SPAG16: variants seen among roughly 807,000 people sequenced by gnomAD.
SPAG16 encodes sperm-associated antigen 16 protein.
Under a neutral mutation model 80.4 loss-of-function variants are expected in SPAG16, and 86 were observed. The observed-to-expected ratio is 1.07, with a 90% CI of 0.90 to 1.28. The LOEUF (loss-of-function observed/expected upper bound fraction) is 1.28, where lower values mean the gene tolerates loss of function less well. Ranked by LOEUF, SPAG16 falls within the 50% of genes most tolerant of loss-of-function variation. The pLI, the probability that SPAG16 is intolerant of heterozygous loss-of-function variation, is 0.00. For missense variants in SPAG16, 870 were observed against 765.3 expected (o/e 1.14, Z -1.61); for synonymous variants, 294 against 265.9 (o/e 1.11, Z -1.03).
chr2:213,654,203 A>G (rs2125156591), intron 10 of SPAG16, among the ~76,000 whole-genome samples: 1 of 152,310 alleles, frequency 6.6e-6, no homozygotes, highest in East Asian at 1.9e-4. Context: ...CCTGTATCTT[A>G]AATTATTGAG....
At chr2:213,759,101 T>A (rs922269082) in intron 10 of SPAG16, among the ~76,000 whole-genome samples, 2 of 152,136 alleles carry the variant, frequency 1.3e-5, no homozygotes, top group Non-Finnish European at 2.9e-5. Context: ...AGGGCGAAAT[T>A]AAGACATCCC....
chr2:213,587,684 C>T (rs1475626263), intron 10 of SPAG16, among the ~76,000 whole-genome samples: 1 of 152,114 alleles, frequency 6.6e-6, no homozygotes, highest in Non-Finnish European at 1.5e-5. Context: ...TGAGAATTTT[C>T]CAATTTTTAA....
intron 15 of SPAG16, chr2:214,250,116 G>A (rs1690142144): frequency 6.6e-6 from 1 of 152,060 alleles, no homozygotes; most frequent in African/African-American, 2.4e-5. Flanking sequence ...TTACATATCA[G>A]TTTCACTCAC....
At chr2:213,888,923 T>C (rs933366031) in intron 11 of SPAG16, among the ~76,000 whole-genome samples, 1 of 152,012 alleles carries the variant, frequency 6.6e-6, no homozygotes, top group African/African-American at 2.4e-5. Flanking sequence ...TTCATAGAAC[T>C]GATATACTAC....
chr2:214,170,548 G>A (rs903146090), intron 15 of SPAG16, among the ~76,000 whole-genome samples: 2 of 151,954 alleles, frequency 1.3e-5, no homozygotes, highest in African/African-American at 4.8e-5. Context: ...CATAAAAAGG[G>A]ATATTACTTT....
At chr2:213,589,365 A>G (rs1366617155) in intron 10 of SPAG16, among the ~76,000 whole-genome samples, 1 of 152,252 alleles carries the variant, frequency 6.6e-6, no homozygotes, top group Admixed American at 6.5e-5. Context: ...ATTTGTAGGT[A>G]TTTTATTGAT....
chr2:213,509,667 A>T (rs1159888735), intron 10 of SPAG16, among the ~76,000 whole-genome samples: 1 of 152,204 alleles, frequency 6.6e-6, no homozygotes, highest in African/African-American at 2.4e-5. Flanking sequence ...CATTCAAAGC[A>T]GTGTGTAGAG....
At chr2:214,307,236 C>T (rs1694979804) in intron 15 of SPAG16, among the ~76,000 whole-genome samples, 2 of 151,954 alleles carry the variant, frequency 1.3e-5, no homozygotes, top group Admixed American at 6.6e-5. Flanking sequence ...TAATATCCCC[C>T]TTTTTTGTTT....
chr2:213,555,088 A>C (rs1395867744), intron 10 of SPAG16, among the ~76,000 whole-genome samples: 1 of 152,162 alleles, frequency 6.6e-6, no homozygotes, highest in Admixed American at 6.5e-5. Context: ...CCCCAAAAGC[A>C]CCAAGAGAAA....
chr2:213,972,267 A>G (rs2045108058), intron 12 of SPAG16, among the ~76,000 whole-genome samples: 1 of 150,384 alleles, frequency 6.6e-6, no homozygotes, highest in African/African-American at 2.4e-5. Flanking sequence ...ATATATATTT[A>G]TTATACAAAT....
intron 10 of SPAG16, among the ~76,000 whole-genome samples, chr2:213,784,643 A>G (rs920345281): frequency 6.7e-6 from 1 of 149,554 alleles, no homozygotes; most frequent in African/African-American, 2.4e-5. Flanking sequence ...AAAAAAAAAA[A>G]AAAAAAAAAA....
intron 9 of SPAG16, among the ~76,000 whole-genome samples, chr2:213,487,978 T>G (rs4633868): frequency 0.023 from 3,559 of 152,144 alleles, 67 homozygotes; most frequent in South Asian, 0.042. Flanking sequence ...TAAAAATGTT[T>G]AACTTAATTA....
At chr2:213,633,063 G>A (rs2125088296) in intron 10 of SPAG16, among the ~76,000 whole-genome samples, 1 of 152,220 alleles carries the variant, frequency 6.6e-6, no homozygotes, top group African/African-American at 2.4e-5. Context: ...TTCTTTGAAT[G>A]TTTGGTAGAA....
At chr2:213,357,022 G>A (rs1298925349) in intron 7 of SPAG16, among the ~76,000 whole-genome samples, 2 of 152,120 alleles carry the variant, frequency 1.3e-5, no homozygotes, top group Non-Finnish European at 2.9e-5. Flanking sequence ...TAGTCATTCA[G>A]GAGCAGGTTC....
At chr2:213,591,678 A>G (rs1221022216) in intron 10 of SPAG16, among the ~76,000 whole-genome samples, 1 of 152,172 alleles carries the variant, frequency 6.6e-6, no homozygotes, top group African/African-American at 2.4e-5. Context: ...CAAATATAAC[A>G]AGGAAAAATG....
At chr2:214,272,800 T>C in intron 15 of SPAG16, among the ~76,000 whole-genome samples, 1 of 152,150 alleles carries the variant, frequency 6.6e-6, no homozygotes, top group African/African-American at 2.4e-5. Flanking sequence ...CCTTTGGGTA[T>C]ATACCCAGTA....
Position 213,767,631 on chromosome 2 carries a change from G to GA in SPAG16, c.1071-94845dup, listed in dbSNP as rs535768059. 1.8e-4 allele frequency among the ~76,000 whole-genome samples: 26 copies of GA among 141,020 alleles called. 1 individual carries two copies. Among genetic ancestry groups the GA allele is most frequent in the South Asian group, 6.9e-4 (3 of 4,344 alleles). 92.5% of individuals were successfully genotyped at this position (141,020 alleles called of 152,430 possible). On this transcript the variant is annotated intron_variant, in intron 10 of 15. Transcript: ENST00000331683. Reference sequence around the variant, plus strand: ...CAATGGAGTGAGATCTTGTCTTTTTGAAAAAAAAAGAGAACAACATACTTC... The same window carrying GA: ...CAATGGAGTGAGATCTTGTCTTTTTGAAAAAAAAAAGAGAACAACATACTTC...
chr2:213,998,439 A>G (rs888385762), intron 12 of SPAG16, among the ~76,000 whole-genome samples: 1 of 152,178 alleles, frequency 6.6e-6, no homozygotes, highest in Non-Finnish European at 1.5e-5. Flanking sequence ...TGCTGCCTCC[A>G]TAAGAAGTGC....
At chr2:213,734,613 ATAAC>A (rs2067202183) in intron 10 of SPAG16, among the ~76,000 whole-genome samples, 2 of 152,178 alleles carry the variant, frequency 1.3e-5, no homozygotes, top group Admixed American at 1.3e-4. Flanking sequence ...TAACTTTTAA[ATAAC>A]TAATTTTATC....
Sources: gnomAD v4.1 joint callset for allele counts (sites outside exome capture counted in the v4.1 genomes callset) on GRCh38, gnomAD v4.1.1 for gene constraint, MANE v1.5 for transcripts, NCBI Gene and HGNC (gene_info 2026-07-23, HGNC 2026-07-21) for gene names.